The following ZCCHC7 variants were observed in gnomAD, a reference collection of about 807,000 sequenced individuals.
ZCCHC7 encodes zinc finger CCHC domain-containing protein 7.
ZCCHC7 carries 35 observed loss-of-function variants against 52.0 expected under a neutral mutation model. The ratio of observed to expected loss-of-function variants is 0.67; its 90% CI spans 0.51 to 0.89. The LOEUF (loss-of-function observed/expected upper bound fraction) is 0.89, where lower values mean the gene tolerates loss of function less well. Ranked by LOEUF, ZCCHC7 falls within the 40% of genes least tolerant of loss-of-function variation. The probability of loss-of-function intolerance (pLI) is 0.00; values close to 1 mark genes in which losing one functional copy is unlikely to be tolerated. For synonymous variants in ZCCHC7, 217 were observed against 221.5 expected (o/e 0.98, Z 0.18); for missense variants, 574 against 649.1 (o/e 0.88, Z 1.26).
chr9:37,158,892 A>G (rs956699323), intron 2 of ZCCHC7, among the ~76,000 whole-genome samples: 9 of 152,230 alleles, frequency 5.9e-5, no homozygotes, highest in African/African-American at 2.2e-4. Context: ...TCTGTAGCAT[A>G]TTAATTGTAT....
chr9:37,164,970 T>C (rs943435455), intron 2 of ZCCHC7, among the ~76,000 whole-genome samples: 14 of 152,238 alleles, frequency 9.2e-5, no homozygotes, highest in African/African-American at 3.4e-4. Flanking sequence ...AATTGACATA[T>C]TAAAAATATT....
At chr9:37,136,006 C>A (rs1842981785) in intron 2 of ZCCHC7, among the ~76,000 whole-genome samples, 1 of 152,046 alleles carries the variant, frequency 6.6e-6, no homozygotes, top group South Asian at 2.1e-4. Context: ...TCTAGTAAAT[C>A]ATTTTGTTTG....
At chr9:37,185,525 C>T (rs970726673) in intron 2 of ZCCHC7, among the ~76,000 whole-genome samples, 1 of 152,178 alleles carries the variant, frequency 6.6e-6, no homozygotes, top group African/African-American at 2.4e-5. Context: ...AATTTCTTCT[C>T]TCAAGAGTTC....
intron 2 of ZCCHC7, among the ~76,000 whole-genome samples, chr9:37,208,569 A>G (rs963549292): frequency 1.3e-5 from 2 of 152,228 alleles, no homozygotes; most frequent in Non-Finnish European, 2.9e-5. Flanking sequence ...AGTGATGATT[A>G]TGGGCTGGCA....
At chr9:37,218,567 G>T (rs1824636677) in intron 2 of ZCCHC7, among the ~76,000 whole-genome samples, 1 of 152,198 alleles carries the variant, frequency 6.6e-6, no homozygotes, top group Admixed American at 6.5e-5. Context: ...CCAGTGCTTT[G>T]GGAGGCCAAG....
At chr9:37,225,417 A>G (rs1825043922) in intron 2 of ZCCHC7, among the ~76,000 whole-genome samples, 1 of 152,218 alleles carries the variant, frequency 6.6e-6, no homozygotes, top group Admixed American at 6.5e-5. Flanking sequence ...TCCAGAATAT[A>G]TAAGGTAACA....
intron 2 of ZCCHC7, among the ~76,000 whole-genome samples, chr9:37,218,064 G>C (rs919512102): frequency 1.3e-5 from 2 of 152,116 alleles, no homozygotes; most frequent in African/African-American, 4.8e-5. Flanking sequence ...AGTAGCCTAT[G>C]AAAAATCGTA....
At chr9:37,186,653 A>G (rs1458532728) in intron 2 of ZCCHC7, 4 of 545,686 alleles carry the variant, frequency 7.3e-6, no homozygotes, top group Non-Finnish European at 6.9e-6. Context: ...TTTCCTAAAA[A>G]TAAAGAAAAT....
Position 37,228,333 on chromosome 9 carries a change from A to T in ZCCHC7, c.611-73855A>T, listed in dbSNP as rs541869831. ...CATTATAAATTACTTTATGCATTTG[A>T]TTTTTCAAAATTTATTGTAAAGTTC... On this transcript the variant is annotated intron_variant, in intron 2 of 8. Transcript: ENST00000336755. 2.0e-5 allele frequency among the ~76,000 whole-genome samples: 3 copies of T among 152,152 alleles called. No individual in the cohort carries two copies. In the South Asian group the frequency reaches 6.2e-4, roughly 32 times the overall value.
At chr9:37,253,955 TG>T in intron 2 of ZCCHC7, among the ~76,000 whole-genome samples, 1 of 152,148 alleles carries the variant, frequency 6.6e-6, no homozygotes, top group Admixed American at 6.5e-5. Flanking sequence ...ATTTCAGTTT[TG>T]CCAGTTGTTT....
At chr9:37,274,571 T>G (rs954363360) in intron 2 of ZCCHC7, among the ~76,000 whole-genome samples, 1 of 152,054 alleles carries the variant, frequency 6.6e-6, no homozygotes, top group Non-Finnish European at 1.5e-5. Context: ...ACTCCTGACC[T>G]CAAGTGATCT....
chr9:37,189,013 A>G (rs1433479249), intron 2 of ZCCHC7, among the ~76,000 whole-genome samples: 1 of 94,714 alleles, frequency 1.1e-5, no homozygotes, highest in African/African-American at 4.5e-5. Context: ...CCCATCTCTC[A>G]GATTTAATAT....
At chr9:37,287,023 CCCTT>C (rs57215885) in intron 2 of ZCCHC7, among the ~76,000 whole-genome samples, 12,726 of 15,340 alleles carry the variant, frequency 0.83, 5,852 homozygotes, top group South Asian at 0.95. Flanking sequence ...CTCCCTCCCT[CCCTT>C]CCTTCCTCTC....
At chr9:37,263,246 AT>A (rs1826949260) in intron 2 of ZCCHC7, among the ~76,000 whole-genome samples, 1 of 152,116 alleles carries the variant, frequency 6.6e-6, no homozygotes, top group South Asian at 2.1e-4. Context: ...TAATACCAGA[AT>A]TTTAGAATCT....
chr9:37,167,321 T>C (rs148972507), intron 2 of ZCCHC7, among the ~76,000 whole-genome samples: 1 of 152,010 alleles, frequency 6.6e-6, no homozygotes, highest in East Asian at 1.9e-4. Flanking sequence ...AGGCTGGTCT[T>C]GAACTCCTGG....
intron 5 of ZCCHC7, among the ~76,000 whole-genome samples, chr9:37,315,099 A>G (rs542985657): frequency 6.6e-6 from 1 of 151,796 alleles, no homozygotes; most frequent in African/African-American, 2.4e-5. Flanking sequence ...AAATGCCTGT[A>G]GAATGATTAT....
intron 5 of ZCCHC7, among the ~76,000 whole-genome samples, chr9:37,321,058 G>T (rs1486151139): frequency 6.9e-6 from 1 of 144,596 alleles, no homozygotes; most frequent in African/African-American, 2.6e-5. Flanking sequence ...GCGTAATCTC[G>T]GCTCACTGCA....
chr9:37,209,953 A>G (rs1824124824), intron 2 of ZCCHC7, among the ~76,000 whole-genome samples: 1 of 151,862 alleles, frequency 6.6e-6, no homozygotes, highest in African/African-American at 2.4e-5. Flanking sequence ...TTTTCTCTTC[A>G]TTTGACCCCA....
At chr9:37,302,144 C>T in intron 2 of ZCCHC7, 44 bp from the exon 3 acceptor site, 1 of 1,522,022 alleles carries the variant, frequency 6.6e-7, no homozygotes, top group Non-Finnish European at 9.1e-7. Context: ...TCTATAAGTC[C>T]TTTAAAAGTG....
Sources: allele counts gnomAD v4.1 joint callset (sites outside exome capture counted in the v4.1 genomes callset), GRCh38; gene constraint gnomAD v4.1.1; transcripts MANE v1.5; gene names NCBI Gene and HGNC (gene_info 2026-07-23, HGNC 2026-07-21).